Variants in NOS1 observed in about 807,000 individuals in gnomAD.
The protein encoded by NOS1 is NOS type I.
NOS1 carries 51 observed loss-of-function variants against 164.5 expected under a neutral mutation model. The ratio of observed to expected loss-of-function variants is 0.31; its 90% CI spans 0.25 to 0.39. NOS1 has a LOEUF of 0.39. Ranked by LOEUF, NOS1 falls within the 10% of genes least tolerant of loss-of-function variation. NOS1 has a pLI of 1.00. For missense variants in NOS1, 1,362 were observed against 1,885.6 expected, an observed-to-expected ratio of 0.72 and a Z score of 5.14; for synonymous variants, 719 against 745.8, an observed-to-expected ratio of 0.96 and a Z score of 0.59.
intron 9 of NOS1, among the ~76,000 whole-genome samples, chr12:117,273,907 A>G (rs2047649797): frequency 2.3e-5 from 3 of 129,750 alleles, no homozygotes; most frequent in Admixed American, 1.5e-4. Flanking sequence ...TTGGTCTGGG[A>G]AAAGATTTTA....
intron 3 of NOS1, among the ~76,000 whole-genome samples, chr12:117,308,384 C>T (rs1874257534): frequency 6.6e-6 from 1 of 152,096 alleles, no homozygotes; most frequent in Non-Finnish European, 1.5e-5. Flanking sequence ...TGGCACCAGC[C>T]TGTAGTCCTA....
In NOS1 at chr12:117,331,349, G is replaced by A. The variant is rs1451746303; in HGVS notation, c.-280C>T. ...CAGACGTCAAGAGAGGCGGTGGGAC[G>A]TGTCCCTAAGGTCAGGCAGAAAGGG... On this transcript the variant is annotated 5_prime_UTR_variant, in exon 2 of 29. The change creates a new upstream start codon in the 5' untranslated region. Coordinates refer to ENST00000317775, the MANE Select transcript of NOS1 (RefSeq NM_000620.5). 5 of 452,718 alleles carry A rather than the reference G, an allele frequency of 1.1e-5. No homozygotes were observed. Among genetic ancestry groups the A allele is most frequent in the African/African-American group, 3.9e-5 (2 of 51,340 alleles). The allele number at this position is 452,718 out of a possible 1,614,324, so 28.0% of individuals were successfully genotyped here.
rs541019278 is a variant in NOS1, at chr12:117,288,164, T to C, written c.1037A>G (p.His346Arg). 1.2e-6 allele frequency: 2 copies of C among 1,614,090 alleles called. No individual in the cohort carries two copies. ...CMGSIMHPSQ[H>R]ARRPEDVRTK... The stretch of plus-strand genomic sequence containing the variant: ...GCGGACGTCTTCAGGCCTCCTTGCA[T>C]GCTGAGAAGGATGCATGATGGAGCC... The change falls in exon 5 of 29, where the codon CAT (histidine) becomes CGT (arginine). Residue 346 changes from histidine (H) to arginine (R), a missense_variant. Transcript: ENST00000317775.
chr12:117,258,719 A>G (rs1251986272), intron 15 of NOS1, among the ~76,000 whole-genome samples: 2 of 152,146 alleles, frequency 1.3e-5, no homozygotes, highest in African/African-American at 4.8e-5. Flanking sequence ...CTATAAAAAT[A>G]TTGTCCCCAT....
intron 1 of NOS1, among the ~76,000 whole-genome samples, chr12:117,351,297 A>G (rs185162293): frequency 5.8e-4 from 88 of 152,158 alleles, no homozygotes; most frequent in African/African-American, 1.6e-3. Flanking sequence ...TATAGCTTCT[A>G]CAGGGACCCT....
chr12:117,208,732 T>A lies in NOS1; in HGVS notation c.*6577A>T. ...CTCTGTTCTGGCATGGGAGGGCTTT[T>A]TTTTTTTTTTCCACAGGGTCTCATT... On this transcript the variant is annotated 3_prime_UTR_variant, in exon 29 of 29. Transcript: ENST00000317775. 3.0e-6 allele frequency: 3 copies of A among 1,004,414 alleles called. No individual in the cohort carries two copies. In the South Asian group the frequency reaches 1.2e-4, roughly 41 times the overall value. 62.2% of individuals were successfully genotyped at this position (1,004,414 alleles called of 1,614,324 possible).
At chr12:117,291,389 A>G (rs913761053) in intron 3 of NOS1, among the ~76,000 whole-genome samples, 2 of 152,076 alleles carry the variant, frequency 1.3e-5, no homozygotes, top group Non-Finnish European at 2.9e-5. Flanking sequence ...ACCATGGAAG[A>G]GCCTCTTTAT....
intron 1 of NOS1, among the ~76,000 whole-genome samples, chr12:117,344,055 A>C (rs1223408267): frequency 6.6e-6 from 1 of 152,222 alleles, no homozygotes; most frequent in Non-Finnish European, 1.5e-5. Flanking sequence ...GTCAAACTTG[A>C]GTAAAAGATC....
At chr12:117,323,962 T>C (rs868087207) in intron 2 of NOS1, among the ~76,000 whole-genome samples, 1 of 151,740 alleles carries the variant, frequency 6.6e-6, no homozygotes. Context: ...TTTTTTTTTT[T>C]TATATTTAGC....
intron 9 of NOS1, among the ~76,000 whole-genome samples, chr12:117,277,328 T>C (rs1392417469): frequency 6.6e-6 from 1 of 151,972 alleles, no homozygotes. Context: ...CTCATGCCTG[T>C]AATGCCAGCA....
chr12:117,241,165 C>T (rs1257460942), intron 20 of NOS1, among the ~76,000 whole-genome samples: 1 of 151,978 alleles, frequency 6.6e-6, no homozygotes, highest in African/African-American at 2.4e-5. Flanking sequence ...GTCTCGAACT[C>T]CTGACCTCGT....
intron 7 of NOS1, among the ~76,000 whole-genome samples, chr12:117,282,316 C>T (rs927749770): frequency 6.6e-6 from 1 of 152,180 alleles, no homozygotes. Context: ...CCCCCCATCC[C>T]AGGCTATGGA....
In NOS1 at chr12:117,307,354, CT is replaced by C. The variant is rs3837437; in HGVS notation, c.852+4111del. Among the ~76,000 whole-genome samples the C allele has an allele frequency of 6.4e-3, 974 of 151,840 alleles. 71 individuals carry two copies. The East Asian group carries it at 0.17, about 26-fold the overall frequency. On this transcript the variant is annotated intron_variant, in intron 3 of 28. Coordinates refer to ENST00000317775, the MANE Select transcript of NOS1 (RefSeq NM_000620.5). ...TAGAAATGAAGAATGTTGTTAGGTG[CT>C]TTTTTTTGTTTTGTTTTTGTTTTGA...
chr12:117,235,946 G>A (rs559371005), intron 20 of NOS1, among the ~76,000 whole-genome samples: 1 of 152,306 alleles, frequency 6.6e-6, no homozygotes, highest in South Asian at 2.1e-4. Flanking sequence ...GGGAGGCTGA[G>A]GCGGGAGAAT....
chr12:117,281,392 C>T (rs755188327), intron 7 of NOS1, among the ~76,000 whole-genome samples: 6 of 151,728 alleles, frequency 4.0e-5, no homozygotes, highest in Admixed American at 1.3e-4. Flanking sequence ...TGGTGGCGCA[C>T]GCCTGTAATC....
intron 28 of NOS1, 133 bp from the exon 29 acceptor site, chr12:117,215,457 G>C: frequency 9.3e-7 from 1 of 1,075,096 alleles, no homozygotes; most frequent in Non-Finnish European, 1.2e-6. Flanking sequence ...TTTTTTTTGA[G>C]ACGGAGTTTC....
intron 26 of NOS1, 104 bp from the exon 27 acceptor site, chr12:117,220,373 A>G: frequency 8.7e-7 from 1 of 1,149,428 alleles, no homozygotes; most frequent in Non-Finnish European, 1.2e-6. Flanking sequence ...GCTTGTGGGC[A>G]GGTAGGATCT....
chr12:117,214,287 G>A lies in NOS1; in HGVS notation c.*1022C>T. ...CCATTCATATTCTTTAGGTTCGTAT[G>A]ACATTATGACTAGGAAAAACTGAGG... On this transcript the variant is annotated 3_prime_UTR_variant, in exon 29 of 29. Transcript: ENST00000317775. 4.1e-6 allele frequency: 4 copies of A among 985,426 alleles called. No individual in the cohort carries two copies. Among genetic ancestry groups the A allele is most frequent in the Non-Finnish European group, 4.8e-6 (4 of 829,938 alleles). The allele number at this position is 985,426 out of a possible 1,614,324, so 61.0% of individuals were successfully genotyped here. A position where few individuals can be genotyped will look rare whatever the true frequency, so the allele number is the denominator to read the frequency against.
Position 117,330,927 on chromosome 12 carries a change from C to T in NOS1, c.143G>A (p.Arg48His), listed in dbSNP as rs201294492. 262 of 1,614,150 alleles carry T rather than the reference C, an allele frequency of 1.6e-4. No homozygotes were observed. The highest frequency in any genetic ancestry group is 2.0e-4 in the Non-Finnish European group (241 of 1,180,032). The change falls in exon 2 of 29, where the codon CGT becomes CAT. Residue 48 changes from arginine (R) to histidine (H), a missense_variant. Coordinates refer to ENST00000317775, the MANE Select transcript of NOS1 (RefSeq NM_000620.5). This position sits in a 1 kb window ranked among gnomAD's most constrained non-coding sequence, Gnocchi z 4.6. ...GCCACTCTGCTCTGCGGCGCCCCCA[C>T]GAATCAGGTCAGAGATGATCACGGG... is the stretch of plus-strand genomic sequence containing the variant. Reference protein sequence around the residue: ...KPPVIISDLIRGGAAEQSGLI... With the variant: ...KPPVIISDLIHGGAAEQSGLI...
Sources: allele counts gnomAD v4.1 joint callset (sites outside exome capture counted in the v4.1 genomes callset), GRCh38; gene constraint gnomAD v4.1.1; non-coding constraint Gnocchi (gnomAD v3.1); transcripts MANE v1.5; gene names NCBI Gene and HGNC (gene_info 2026-07-23, HGNC 2026-07-21).